The following ARHGAP22 variants were observed in gnomAD, a reference collection of about 807,000 sequenced individuals.
ARHGAP22 encodes rho GTPase-activating protein 22.
Under a neutral mutation model 59.1 loss-of-function variants are expected in ARHGAP22, and 48 were observed. The ratio of observed to expected loss-of-function variants is 0.81; its 90% CI spans 0.64 to 1.03. ARHGAP22 has a LOEUF of 1.03. Among genes scored for constraint, ARHGAP22 ranks in the 50% least tolerant of loss-of-function variants. ARHGAP22 has a pLI of 0.00. For missense variants in ARHGAP22, 1,015 were observed against 958.7 expected (o/e 1.06, Z -0.78); for synonymous variants, 445 against 416.4 (o/e 1.07, Z -0.84).
intron 1 of ARHGAP22, among the ~76,000 whole-genome samples, chr10:48,611,287 G>C (rs2060873919): frequency 6.6e-6 from 1 of 152,152 alleles, no homozygotes; most frequent in African/African-American, 2.4e-5. Flanking sequence ...GGCTAGGCAG[G>C]GTCCCTGCTT....
intron 3 of ARHGAP22, chr10:48,524,047 A>T (rs2054086538): frequency 6.8e-7 from 1 of 1,475,994 alleles, no homozygotes; most frequent in African/African-American, 1.5e-5. Flanking sequence ...TGCGCGCCGG[A>T]GTTACCTTTG....
At chr10:48,654,929 G>A (rs912628002), upstream of ARHGAP22, among the ~76,000 whole-genome samples, 2 of 115,110 alleles carry the variant, frequency 1.7e-5, no homozygotes, top group African/African-American at 6.9e-5. Flanking sequence ...CTTTCTCTCT[G>A]TTTCTCTCTC....
In ARHGAP22 at chr10:48,555,465, G is replaced by C; in HGVS notation, c.320C>G (p.Pro107Arg). ...DPGKHLFEIS[P>R]GGAGEREKVP... ...AGCTGGAAGGTGCTCAGGCCTACCT[G>C]GGCTGATCTCAAAGAGGTGCTTCCC... Residue 107 changes from proline (P) to arginine (R), a missense_variant and splice_region_variant, in exon 3 of 10, where the codon CCA (proline) becomes CGA (arginine). Physicochemically the swap from Pro to Arg is moderately radical, Grantham distance 103 (BLOSUM62 -2). Coordinates refer to ENST00000249601, the MANE Select transcript of ARHGAP22 (RefSeq NM_021226.4). The C allele has an allele frequency of 6.2e-7, 1 of 1,613,968 alleles. No individual in the cohort carries two copies. Among genetic ancestry groups the C allele is most frequent in the South Asian group, 1.1e-5 (1 of 91,074 alleles).
Position 48,450,430 on chromosome 10 carries a change from C to G in ARHGAP22, c.1699G>C (p.Asp567His). The G allele has an allele frequency of 6.4e-7, 1 of 1,564,414 alleles. No individual in the cohort carries two copies. The highest frequency in any genetic ancestry group is 8.7e-7 in the Non-Finnish European group (1 of 1,155,298). ...GCGCCCGCCTCGTCCATGCTGTGGT[C>G]CAGGTCCAGGGACTTGGGGTCCTCG... ...SSEDPKSLDL[D>H]HSMDEAGAGA... is the part of the protein sequence containing the mutation. The change falls in exon 9 of 10, where the codon GAC (aspartate) becomes CAC (histidine). Residue 567 changes from aspartate (D) to histidine (H), a missense_variant. Coordinates refer to ENST00000249601, the MANE Select transcript of ARHGAP22 (RefSeq NM_021226.4).
At chr10:48,540,847 A>G (rs1442890478) in intron 3 of ARHGAP22, among the ~76,000 whole-genome samples, 5 of 152,014 alleles carry the variant, frequency 3.3e-5, no homozygotes, top group African/African-American at 9.7e-5. Flanking sequence ...CCTTAAAAGC[A>G]GCGCTTTGGA....
chr10:48,653,958 C>G (rs1398364420), upstream of ARHGAP22, among the ~76,000 whole-genome samples: 1 of 152,220 alleles, frequency 6.6e-6, no homozygotes, highest in African/African-American at 2.4e-5. Flanking sequence ...ACCTGAAACA[C>G]TATTCAGATT....
At chr10:48,533,612 G>A (rs2055069862) in intron 3 of ARHGAP22, among the ~76,000 whole-genome samples, 1 of 152,244 alleles carries the variant, frequency 6.6e-6, no homozygotes, top group Admixed American at 6.5e-5. Context: ...CTAAGGGGCA[G>A]ATAGTAAACA....
chr10:48,574,154 G>A (rs139683057), intron 2 of ARHGAP22, among the ~76,000 whole-genome samples: 2 of 152,186 alleles, frequency 1.3e-5, no homozygotes, highest in Non-Finnish European at 2.9e-5. Flanking sequence ...CTTTACAAAA[G>A]CAATAAATTA....
intron 3 of ARHGAP22, among the ~76,000 whole-genome samples, chr10:48,527,386 T>G (rs1231448095): frequency 1.3e-5 from 2 of 151,786 alleles, no homozygotes; most frequent in Non-Finnish European, 2.9e-5. Context: ...GATCGTTGAT[T>G]GGATGTAGGT....
At chr10:48,574,676 G>A (rs2058599768) in intron 2 of ARHGAP22, 1 of 152,230 alleles carries the variant, frequency 6.6e-6, no homozygotes, top group African/African-American at 2.4e-5. Flanking sequence ...GAGGGCCATG[G>A]AAGATAGAGC....
chr10:48,466,999 A>G (rs1371180041), intron 4 of ARHGAP22, among the ~76,000 whole-genome samples: 1 of 152,200 alleles, frequency 6.6e-6, no homozygotes, highest in Non-Finnish European at 1.5e-5. Flanking sequence ...AGGTGAGGCA[A>G]TGGAGGTCCA....
chr10:48,624,081 T>C (rs544920760), intron 1 of ARHGAP22: 1 of 152,368 alleles, frequency 6.6e-6, no homozygotes, highest in East Asian at 1.9e-4. Context: ...CCATGTCTCT[T>C]TTTTTCTCTT....
At chr10:48,485,320 G>A (rs2049747565) in intron 3 of ARHGAP22, among the ~76,000 whole-genome samples, 1 of 152,120 alleles carries the variant, frequency 6.6e-6, no homozygotes, top group Non-Finnish European at 1.5e-5. Context: ...TTTTAATTCA[G>A]TTCAAAATAC....
chr10:48,572,882 C>T (rs1169931156), intron 2 of ARHGAP22, among the ~76,000 whole-genome samples: 2 of 152,158 alleles, frequency 1.3e-5, no homozygotes, highest in Non-Finnish European at 2.9e-5. Context: ...TTCTGTTTGT[C>T]AAATAGTCAC....
At chr10:48,469,911 G>T (rs779413989) in intron 4 of ARHGAP22, among the ~76,000 whole-genome samples, 3 of 152,228 alleles carry the variant, frequency 2.0e-5, no homozygotes, top group Non-Finnish European at 4.4e-5. Context: ...CTGCACTCCA[G>T]CCGACTAGGT....
chr10:48,638,998 G>T (rs1394720983), intron 1 of ARHGAP22, among the ~76,000 whole-genome samples: 1 of 152,182 alleles, frequency 6.6e-6, no homozygotes, highest in Non-Finnish European at 1.5e-5. Context: ...CCAAAGACAT[G>T]CAACAATCAG....
chr10:48,465,834 T>C (rs557767677), intron 4 of ARHGAP22, among the ~76,000 whole-genome samples: 9 of 152,268 alleles, frequency 5.9e-5, no homozygotes, highest in East Asian at 3.9e-4. Flanking sequence ...GCTCCAGGCC[T>C]TTCTGCTCTC....
intron 1 of ARHGAP22, chr10:48,652,190 G>T (rs1230765504): frequency 6.6e-7 from 1 of 1,508,562 alleles, no homozygotes; most frequent in African/African-American, 1.4e-5. Context: ...GAAGTCAAAT[G>T]CAAAGGTAAT....
intron 3 of ARHGAP22, among the ~76,000 whole-genome samples, chr10:48,531,282 GGA>G (rs2054823000): frequency 6.6e-6 from 1 of 152,196 alleles, no homozygotes; most frequent in Non-Finnish European, 1.5e-5. Context: ...AAGGGTGGCA[GGA>G]GGCTGAGGGA....
Sources: allele counts gnomAD v4.1 joint callset (sites outside exome capture counted in the v4.1 genomes callset), GRCh38; gene constraint gnomAD v4.1.1; transcripts MANE v1.5; gene names NCBI Gene and HGNC (gene_info 2026-07-23, HGNC 2026-07-21).